The following C3orf49 variants were observed in gnomAD, a reference collection of about 807,000 sequenced individuals.
The protein encoded by C3orf49 is putative uncharacterized protein C3orf49.
In C3orf49, 27 loss-of-function variants were observed where a neutral mutation model predicts 13.3. The observed-to-expected ratio is 2.02, with a 90% CI of 1.49 to 2.79. The LOEUF (loss-of-function observed/expected upper bound fraction) is 2.79. Among genes scored for constraint, C3orf49 ranks in the 30% most tolerant of loss-of-function variants. The pLI is 0.00. For synonymous variants in C3orf49, 87 were observed against 47.6 expected (o/e 1.83, Z -3.40); for missense variants, 242 against 134.2 (o/e 1.80, Z -3.97).
upstream of C3orf49, among the ~76,000 whole-genome samples, chr3:63,816,764 C>CTTTTTTTTTT (rs757549553): frequency 1.5e-4 from 12 of 80,712 alleles, no homozygotes; most frequent in African/African-American, 4.1e-4. Context: ...ATTTTCTTTT[C>CTTTTTTTTTT]TTTTCTTTTT....
chr3:63,831,089 T>A (rs551941623), intron 3 of C3orf49, 21 bp from the exon 4 acceptor site: 1 of 693,756 alleles, frequency 1.4e-6, no homozygotes, highest in South Asian at 1.5e-5. Context: ...TAATCTGATG[T>A]GTTTTGCATT....
the C3orf49 span, among the ~76,000 whole-genome samples, chr3:63,785,324 G>A: frequency 4.3e-4 from 65 of 151,528 alleles, no homozygotes; most frequent in African/African-American, 1.4e-3. Context: ...CACCTGCCAC[G>A]GCCTCTCAAA....
At chr3:63,846,147 C>A in intron 6 of C3orf49, 1 of 429,206 alleles carries the variant, frequency 2.3e-6, no homozygotes, top group South Asian at 1.7e-5. Context: ...CTCTCTCTCT[C>A]TTTCTTTGCC....
chr3:63,832,604 G>A (rs1249695865), intron 5 of C3orf49, among the ~76,000 whole-genome samples: 1 of 152,130 alleles, frequency 6.6e-6, no homozygotes, highest in African/African-American at 2.4e-5. Flanking sequence ...CAAGGCTACA[G>A]TGAGCTGTGA....
intron 5 of C3orf49, among the ~76,000 whole-genome samples, chr3:63,844,510 A>C (rs777785228): frequency 4.6e-5 from 7 of 152,208 alleles, no homozygotes; most frequent in Non-Finnish European, 8.8e-5. Context: ...AATACATAAA[A>C]AAGAAGGAAG....
chr3:63,806,129 C>T, the C3orf49 span, among the ~76,000 whole-genome samples: 3 of 152,160 alleles, frequency 2.0e-5, no homozygotes, highest in Non-Finnish European at 4.4e-5. Context: ...TGTCCTCAAG[C>T]AATGGCCAAG....
the C3orf49 span, among the ~76,000 whole-genome samples, chr3:63,802,639 C>T: frequency 6.6e-6 from 1 of 152,224 alleles, no homozygotes; most frequent in African/African-American, 2.4e-5. Context: ...ATATTTATTA[C>T]AGTAACAGCT....
chr3:63,846,147 CTT>C (rs1465024964), intron 6 of C3orf49: 12 of 429,088 alleles, frequency 2.8e-5, no homozygotes, highest in Non-Finnish European at 5.1e-5. Flanking sequence ...CTCTCTCTCT[CTT>C]TCTTTGCCTG....
chr3:63,780,775 C>T, the C3orf49 span, among the ~76,000 whole-genome samples: 9 of 152,198 alleles, frequency 5.9e-5, no homozygotes, highest in Non-Finnish European at 2.9e-5. Flanking sequence ...CTTTTGGCTG[C>T]ATAAATGTCT....
chr3:63,810,909 C>T, the C3orf49 span, among the ~76,000 whole-genome samples: 1 of 152,268 alleles, frequency 6.6e-6, no homozygotes, highest in African/African-American at 2.4e-5. Flanking sequence ...TGCAGTGGTG[C>T]GATCTCAGCT....
At chr3:63,825,127 A>G (rs1166559918) in intron 2 of C3orf49, among the ~76,000 whole-genome samples, 1 of 152,186 alleles carries the variant, frequency 6.6e-6, no homozygotes, top group Non-Finnish European at 1.5e-5. Flanking sequence ...ACTCTGTCAT[A>G]ACATACATCC....
At chr3:63,839,883 A>C in intron 5 of C3orf49, 2 of 816,122 alleles carry the variant, frequency 2.5e-6, no homozygotes, top group East Asian at 2.6e-5. Flanking sequence ...TGAAATGTAA[A>C]TGCATTTAAT....
chr3:63,841,371 T>G (rs901873277), intron 5 of C3orf49, among the ~76,000 whole-genome samples: 3 of 151,620 alleles, frequency 2.0e-5, no homozygotes, highest in African/African-American at 2.4e-5. Flanking sequence ...ATTTGGGGGG[T>G]TTTCTGTTTT....
chr3:63,844,533 C>T (rs1337858929), intron 5 of C3orf49, among the ~76,000 whole-genome samples: 2 of 152,100 alleles, frequency 1.3e-5, no homozygotes, highest in South Asian at 2.1e-4. Flanking sequence ...TAATTGCCAT[C>T]GTGCCAGTAT....
the C3orf49 span, among the ~76,000 whole-genome samples, chr3:63,781,849 C>A: frequency 6.6e-6 from 1 of 152,132 alleles, no homozygotes; most frequent in Non-Finnish European, 1.5e-5. Context: ...AGTGTTGTTG[C>A]ATTTATTCCT....
chr3:63,846,669 C>CTT (rs1701904656), intron 6 of C3orf49, among the ~76,000 whole-genome samples: 1 of 152,104 alleles, frequency 6.6e-6, no homozygotes, highest in Non-Finnish European at 1.5e-5. Flanking sequence ...CCTCGGCCTC[C>CTT]TAAAGTGCGG....
chr3:63,782,006 C>A, the C3orf49 span, among the ~76,000 whole-genome samples: 1 of 152,130 alleles, frequency 6.6e-6, no homozygotes, highest in Non-Finnish European at 1.5e-5. Context: ...GGCTCTAGAG[C>A]CTGTATGCTT....
intron 2 of C3orf49, among the ~76,000 whole-genome samples, 200 bp downstream of exon 2, chr3:63,823,769 TG>T (rs1257459079): frequency 5.5e-5 from 1 of 18,134 alleles, no homozygotes; most frequent in Non-Finnish European, 1.7e-4. Context: ...CATACCGTTG[TG>T]TGTGTGTGTG....
the C3orf49 span, among the ~76,000 whole-genome samples, chr3:63,788,444 C>A: frequency 3.3e-5 from 5 of 152,040 alleles, no homozygotes; most frequent in Admixed American, 6.6e-5. Flanking sequence ...ATTAAAGAAT[C>A]TAGGTGGGTG....
Sources: gnomAD v4.1 joint callset for allele counts (sites outside exome capture counted in the v4.1 genomes callset) on GRCh38, gnomAD v4.1.1 for gene constraint, MANE v1.5 for transcripts, NCBI Gene and HGNC (gene_info 2026-07-23, HGNC 2026-07-21) for gene names.